TICRR: variants seen among roughly 807,000 people sequenced by gnomAD.
TICRR encodes TOPBP1 interacting checkpoint and replication regulator.
In TICRR, 132 loss-of-function variants were observed where a neutral mutation model predicts 178.1. The ratio of observed to expected loss-of-function variants is 0.74; its 90% CI spans 0.64 to 0.86. The LOEUF (loss-of-function observed/expected upper bound fraction) is 0.86, where lower values mean the gene tolerates loss of function less well. TICRR is among the 40% of genes least tolerant of loss of function. The pLI, the probability that TICRR is intolerant of heterozygous loss-of-function variation, is 0.00. For missense variants in TICRR, 2,587 were observed against 2,334.3 expected (o/e 1.11, Z -2.23); for synonymous variants, 991 against 900.7 (o/e 1.10, Z -1.79).
Position 89,599,448 on chromosome 15 carries a change from A to G in TICRR, c.2025A>G (p.Leu675=), listed in dbSNP as rs776034024. 1 of 1,613,276 alleles carries G rather than the reference A, an allele frequency of 6.2e-7. No homozygotes were observed. The highest frequency in any genetic ancestry group is 8.5e-7 in the Non-Finnish European group (1 of 1,179,700). The change falls in exon 8 of 22, where the codon CTA becomes CTG. Residue 675 remains leucine, a synonymous_variant. Transcript: ENST00000268138. Reference sequence around the variant, plus strand: ...TGATCTCAACCGTTAAAATGTTCCTAAAATCAAAAGGCACCAAGGAATTAG... The same window carrying G: ...TGATCTCAACCGTTAAAATGTTCCTGAAATCAAAAGGCACCAAGGAATTAG... ...RNMISTVKMF[L]KSKGTKELEV...
intron 7 of TICRR, 119 bp from the exon 8 acceptor site, chr15:89,599,205 A>C: frequency 1.3e-6 from 1 of 779,076 alleles, no homozygotes; most frequent in Non-Finnish European, 1.9e-6. Context: ...ATGACAATCC[A>C]GACAAGGCCA....
chr15:89,601,855 C>G lies in TICRR; in HGVS notation c.2446C>G (p.Gln816Glu), dbSNP rs772619950. The G allele has an allele frequency of 6.2e-7, 1 of 1,614,124 alleles. No individual in the cohort carries two copies. Among genetic ancestry groups the G allele is most frequent in the Non-Finnish European group, 8.5e-7 (1 of 1,180,018 alleles). The change falls in exon 12 of 22, where the codon CAA becomes GAA. Residue 816 changes from glutamine to glutamate, a missense_variant. By Grantham distance (29) the Gln-to-Glu change is conservative. Coordinates refer to ENST00000268138, the MANE Select transcript of TICRR (RefSeq NM_152259.4). ...TTTTTTCAGTGATGACTCCATGACA[C>G]AAGAGAACAAATCACCACTTCTTTC... ...TDFFSDDSMT[Q>E]ENKSPLLSVP...
intron 1 of TICRR, among the ~76,000 whole-genome samples, chr15:89,580,824 G>T (rs1170370408): frequency 2.0e-5 from 3 of 152,138 alleles, no homozygotes; most frequent in Non-Finnish European, 4.4e-5. Flanking sequence ...TTGCACCCAG[G>T]AGTTTGAGAC....
At position 89,575,531 on chromosome 15, in the gene TICRR, C is replaced by G. The variant is rs1055841381; in HGVS notation, c.-56C>G. 2.8e-6 allele frequency: 4 copies of G among 1,429,348 alleles called. No individual in the cohort carries two copies. Among genetic ancestry groups the G allele is most frequent in the Middle Eastern group, 2.1e-4 (1 of 4,802 alleles). 88.5% of individuals were successfully genotyped at this position (1,429,348 alleles called of 1,614,324 possible). On this transcript the variant is annotated 5_prime_UTR_variant, in exon 1 of 22. Coordinates refer to ENST00000268138, the MANE Select transcript of TICRR (RefSeq NM_152259.4). ...GGTGCTGTTTCCCTGAAGGAAGGGA[C>G]TAAGGGACGGTGGCGCGGGCCCGGA... is the stretch of plus-strand genomic sequence containing the variant.
At chr15:89,582,434 CA>C in intron 1 of TICRR, 1 of 409,930 alleles carries the variant, frequency 2.4e-6, no homozygotes, top group Non-Finnish European at 4.3e-6. Flanking sequence ...TGTTCCTTGA[CA>C]AAAAATATAA....
intron 1 of TICRR, among the ~76,000 whole-genome samples, chr15:89,576,909 T>A (rs1192090867): frequency 6.8e-6 from 1 of 146,460 alleles, no homozygotes; most frequent in African/African-American, 2.5e-5. Flanking sequence ...ATATATATAT[T>A]TATTTATTAT....
intron 19 of TICRR, among the ~76,000 whole-genome samples, chr15:89,623,255 G>C (rs898490022): frequency 6.6e-6 from 1 of 152,238 alleles, no homozygotes; most frequent in African/African-American, 2.4e-5. Flanking sequence ...GGTGGCTCCT[G>C]GAGGCTGCTT....
intron 19 of TICRR, 54 bp from the exon 20 acceptor site, chr15:89,623,569 C>T (rs1963458874): frequency 1.3e-6 from 2 of 1,522,690 alleles, no homozygotes; most frequent in African/African-American, 1.4e-5. Flanking sequence ...TAAAACACTT[C>T]AGAGATCATG....
chr15:89,625,527 G>A lies in TICRR; in HGVS notation c.5217G>A (p.Glu1739=), dbSNP rs569414309. 1 of 1,613,724 alleles carries A rather than the reference G, an allele frequency of 6.2e-7. No individual in the cohort carries two copies. Among genetic ancestry groups the A allele is most frequent in the African/African-American group, 1.3e-5 (1 of 75,014 alleles). ...IHRTPILEDF[E]LEGVCQLPDQ... ...GGACGCCCATCTTGGAGGATTTTGA[G>A]CTCGAGGGAGTGTGCCAGCTCCCAG... Residue 1739 remains glutamate (E), a synonymous_variant, in exon 20 of 22, where the codon GAG becomes GAA. Transcript: ENST00000268138.
In TICRR at chr15:89,576,201, A is replaced by C. The variant is rs1389293696; in HGVS notation, c.615A>C (p.Lys205Asn). 1 of 1,596,674 alleles carries C rather than the reference A, an allele frequency of 6.3e-7. No homozygotes were observed. The highest frequency in any genetic ancestry group is 1.1e-5 in the South Asian group (1 of 90,564). Residue 205 changes from lysine to asparagine, a missense_variant, in exon 1 of 22, where the codon AAA becomes AAC. Transcript: ENST00000268138. ...TCCGGGAAGTCATGGTCGCCCGAAA[A>C]ATCACCTTCTACTGGGTGGATACCA... is the stretch of plus-strand genomic sequence containing the variant. ...KRVREVMVARKITFYWVDTTE... is the reference protein window; with the variant it reads ...KRVREVMVARNITFYWVDTTE...
At position 89,624,772 on chromosome 15, in the gene TICRR, G is replaced by C. The variant is rs1490301928; in HGVS notation, c.4462G>C (p.Gly1488Arg). Residue 1488 changes from glycine (G) to arginine (R), a missense_variant, in exon 20 of 22, where the codon GGT (glycine) becomes CGT (arginine). Transcript: ENST00000268138. ...AAGTAACGTCTTATCAGTGGAAGAG[G>C]GTGAGGGGCTAAGGACAGCAGATGC... ...LKSNVLSVEE[G>R]EGLRTADAEK... is the part of the protein sequence containing the mutation. The C allele has an allele frequency of 1.2e-6, 2 of 1,614,176 alleles. No homozygotes were observed. Among genetic ancestry groups the C allele is most frequent in the Non-Finnish European group, 1.7e-6 (2 of 1,180,034 alleles).
At chr15:89,583,059 A>T in intron 2 of TICRR, 94 bp downstream of exon 2, 1 of 1,308,400 alleles carries the variant, frequency 7.6e-7, no homozygotes, top group Non-Finnish European at 1.0e-6. Context: ...CATTTCTCAC[A>T]GCCCAGGCAC....
intron 15 of TICRR, among the ~76,000 whole-genome samples, chr15:89,612,035 T>C (rs1304199915): frequency 6.6e-6 from 1 of 152,236 alleles, no homozygotes; most frequent in Non-Finnish European, 1.5e-5. Flanking sequence ...CTTGTTTCTT[T>C]GTATACTTCG....
intron 13 of TICRR, among the ~76,000 whole-genome samples, chr15:89,605,462 G>T (rs181874910): frequency 6.6e-6 from 1 of 152,026 alleles, no homozygotes; most frequent in Non-Finnish European, 1.5e-5. Context: ...TCCACCTCCC[G>T]GGTTCACGCC....
At chr15:89,604,408 T>C (rs1963143867) in intron 13 of TICRR, among the ~76,000 whole-genome samples, 1 of 152,250 alleles carries the variant, frequency 6.6e-6, no homozygotes, top group Admixed American at 6.5e-5. Context: ...GATTTTACAA[T>C]GATTTGCAGA....
chr15:89,576,817 GTGTGTATATATATA>G (rs1567037948), intron 1 of TICRR, among the ~76,000 whole-genome samples: 58 of 11,146 alleles, frequency 5.2e-3, no homozygotes, highest in Non-Finnish European at 9.6e-3. Context: ...GTGTATGTGT[GTGTGTATATATATA>G]TATATATATA....
chr15:89,609,349 G>A (rs185343517), intron 15 of TICRR, among the ~76,000 whole-genome samples: 56 of 152,038 alleles, frequency 3.7e-4, no homozygotes, highest in African/African-American at 1.2e-3. Flanking sequence ...CTGAGCTCAA[G>A]CGATCTGCCC....
At chr15:89,581,427 G>T (rs532342907) in intron 1 of TICRR, among the ~76,000 whole-genome samples, 1 of 152,294 alleles carries the variant, frequency 6.6e-6, no homozygotes, top group Non-Finnish European at 1.5e-5. Context: ...AAAGTTTGTT[G>T]ACAGAAGGTT....
At chr15:89,577,703 G>C (rs1043955231) in intron 1 of TICRR, among the ~76,000 whole-genome samples, 1 of 145,504 alleles carries the variant, frequency 6.9e-6, no homozygotes, top group African/African-American at 2.5e-5. Context: ...TCACCTCCTG[G>C]GTTCAAGCAA....
Sources: allele counts gnomAD v4.1 joint callset (sites outside exome capture counted in the v4.1 genomes callset), GRCh38; gene constraint gnomAD v4.1.1; transcripts MANE v1.5; gene names NCBI Gene and HGNC (gene_info 2026-07-23, HGNC 2026-07-21).